The following NAALADL2 variants were observed in gnomAD, a reference collection of about 807,000 sequenced individuals.
The protein encoded by NAALADL2 is N-acetylated alpha-linked acidic dipeptidase like 2.
In NAALADL2, 76 loss-of-function variants were observed where a neutral mutation model predicts 87.2. The observed-to-expected ratio is 0.87, with a 90% confidence interval of 0.72 to 1.05. The LOEUF (loss-of-function observed/expected upper bound fraction) is 1.05, where lower values mean the gene tolerates loss of function less well. Among genes scored for constraint, NAALADL2 ranks in the 50% least tolerant of loss-of-function variants. The pLI, the probability that NAALADL2 is intolerant of heterozygous loss-of-function variation, is 0.00. For missense variants in NAALADL2, 1,089 were observed against 945.8 expected, an observed-to-expected ratio of 1.15 and a Z score of -1.99; for synonymous variants, 354 against 331.0, an observed-to-expected ratio of 1.07 and a Z score of -0.75.
At chr3:175,342,250 G>T (rs1056412484) in intron 5 of NAALADL2, among the ~76,000 whole-genome samples, 3 of 152,088 alleles carry the variant, frequency 2.0e-5, no homozygotes, top group African/African-American at 7.2e-5. Context: ...CATGTGATAG[G>T]TTTCAGATAA....
intron 2 of NAALADL2, chr3:175,115,180 C>T (rs1724896742): frequency 6.6e-6 from 1 of 151,504 alleles, no homozygotes; most frequent in Admixed American, 6.6e-5. Context: ...CTTAAAATTA[C>T]CTCTGACTCC....
intron 2 of NAALADL2, among the ~76,000 whole-genome samples, chr3:174,641,297 C>T (rs1723163337): frequency 6.6e-6 from 1 of 152,170 alleles, no homozygotes; most frequent in South Asian, 2.1e-4. Context: ...GCCTGTGAGG[C>T]CCTGAGCGGA....
chr3:174,878,423 C>T (rs1450948107), intron 1 of NAALADL2, among the ~76,000 whole-genome samples: 2 of 152,072 alleles, frequency 1.3e-5, no homozygotes, highest in Non-Finnish European at 2.9e-5. Context: ...ACTAGAACTA[C>T]TTAAAACTGC....
rs541495397 is a variant in NAALADL2, at chr3:175,394,648, C to A, written c.1091-52581C>A. Among the ~76,000 whole-genome samples, 3 of 152,262 alleles carry A rather than the reference C, an allele frequency of 2.0e-5. No individual in the cohort carries two copies. The East Asian group carries it at 5.8e-4, about 29-fold the overall frequency. ...TTTTATGTTTTTGATAACCTCCAGA[C>A]ATAGATTGTACTACAGTAGTCTCCC... On this transcript the variant is annotated intron_variant, in intron 5 of 13. Coordinates refer to ENST00000454872, the MANE Select transcript of NAALADL2 (RefSeq NM_207015.3).
chr3:175,095,254 A>G (rs751797104), intron 1 of NAALADL2, among the ~76,000 whole-genome samples: 2 of 151,784 alleles, frequency 1.3e-5, no homozygotes, highest in African/African-American at 4.8e-5. Context: ...TTGTATAATT[A>G]TTTCTCGTAT....
At chr3:174,816,913 C>G (rs559172023) in intron 3 of NAALADL2, among the ~76,000 whole-genome samples, 1 of 152,238 alleles carries the variant, frequency 6.6e-6, no homozygotes, top group African/African-American at 2.4e-5. Flanking sequence ...ATTAACTGAT[C>G]TGGTAGTAAA....
chr3:174,779,458 T>C (rs1018690872), intron 3 of NAALADL2, among the ~76,000 whole-genome samples: 1 of 152,214 alleles, frequency 6.6e-6, no homozygotes, highest in Non-Finnish European at 1.5e-5. Context: ...TCTTTTACTG[T>C]GCAGAAGCTC....
intron 3 of NAALADL2, among the ~76,000 whole-genome samples, chr3:174,800,153 A>T (rs1465782771): frequency 6.6e-6 from 1 of 152,156 alleles, no homozygotes; most frequent in African/African-American, 2.4e-5. Flanking sequence ...CTGATGAGAA[A>T]TTCAAACTGG....
rs1054140193 is a variant in NAALADL2 at position 175,627,356 on chromosome 3, C to G, written c.1866C>G (p.Pro622=). Residue 622 remains proline, a synonymous_variant, in exon 11 of 14, where the codon CCC becomes CCG. Transcript: ENST00000454872. ...TRATKIEEMD[P]SFNLHETITK... ...CAACAAAAATTGAAGAAATGGATCC[C>G]TCTTTCAACCTTCATGAAACCATTA... 6.4e-7 allele frequency: 1 copy of G among 1,563,536 alleles called. No individual in the cohort carries two copies. The highest frequency in any genetic ancestry group is 8.7e-7 in the Non-Finnish European group (1 of 1,151,638).
chr3:175,459,907 G>A (rs1163885926), intron 6 of NAALADL2: 1 of 300,264 alleles, frequency 3.3e-6, no homozygotes, highest in African/African-American at 2.2e-5. Context: ...ATATCTCTCT[G>A]TATTCTTTTC....
chr3:174,682,480 C>T (rs1161718323), intron 2 of NAALADL2, among the ~76,000 whole-genome samples: 1 of 152,166 alleles, frequency 6.6e-6, no homozygotes, highest in African/African-American at 2.4e-5. Flanking sequence ...TCAGATATGA[C>T]ACAGTGCAGT....
intron 3 of NAALADL2, among the ~76,000 whole-genome samples, chr3:174,793,262 G>A (rs530321490): frequency 6.6e-6 from 1 of 151,730 alleles, no homozygotes; most frequent in Non-Finnish European, 1.5e-5. Context: ...TCTCTATTGG[G>A]GTTCATATAT....
At chr3:175,388,359 C>T (rs1205922275) in intron 5 of NAALADL2, among the ~76,000 whole-genome samples, 1 of 152,030 alleles carries the variant, frequency 6.6e-6, no homozygotes, top group Non-Finnish European at 1.5e-5. Context: ...TAAATGTTTT[C>T]TGGTGCCATG....
At chr3:174,991,089 A>T (rs186799153) in intron 1 of NAALADL2, among the ~76,000 whole-genome samples, 43 of 152,070 alleles carry the variant, frequency 2.8e-4, no homozygotes, top group East Asian at 7.7e-4. Flanking sequence ...AAACTAATTT[A>T]AAAAAAACCT....
intron 2 of NAALADL2, among the ~76,000 whole-genome samples, chr3:174,615,045 A>G (rs1483720065): frequency 1.3e-5 from 2 of 152,186 alleles, no homozygotes; most frequent in Non-Finnish European, 2.9e-5. Flanking sequence ...CACATAGGTG[A>G]CTGTTTTTCT....
chr3:174,656,729 C>T (rs1724972912), intron 2 of NAALADL2, among the ~76,000 whole-genome samples: 2 of 152,048 alleles, frequency 1.3e-5, no homozygotes, highest in Admixed American at 6.6e-5. Context: ...TTGATTTTCT[C>T]TCCTCTGACC....
rs140382831 is a variant in NAALADL2 at position 174,728,789 on chromosome 3, G to A, written c.-114-8852G>A. On this transcript the variant is annotated intron_variant, in intron 2 of 3. Transcript: ENST00000434257. ...CATTTATGATCTTTTTAAGTTATTC[G>A]ACTGAGAAGCAGTTATCCTCGAAAC... is the stretch of plus-strand genomic sequence containing the variant. Among the ~76,000 whole-genome samples, 623 of 152,056 alleles carry A rather than the reference G, an allele frequency of 4.1e-3. 15 individuals carry two copies. The highest frequency in any genetic ancestry group is 0.038 in the Admixed American group (582 of 15,266).
At chr3:174,798,328 A>C (rs1718390198) in intron 3 of NAALADL2, among the ~76,000 whole-genome samples, 1 of 152,068 alleles carries the variant, frequency 6.6e-6, no homozygotes, top group Non-Finnish European at 1.5e-5. Flanking sequence ...TATAGTGGGC[A>C]TATATATTTA....
At chr3:175,746,338 T>G (rs1745938026) in intron 12 of NAALADL2, among the ~76,000 whole-genome samples, 1 of 150,862 alleles carries the variant, frequency 6.6e-6, no homozygotes, top group Non-Finnish European at 1.5e-5. Context: ...TTTAATCAAT[T>G]GCAAATGATT....
Sources: gnomAD v4.1 joint callset for allele counts (sites outside exome capture counted in the v4.1 genomes callset) on GRCh38, gnomAD v4.1.1 for gene constraint, MANE v1.5 for transcripts, NCBI Gene and HGNC (gene_info 2026-07-23, HGNC 2026-07-21) for gene names.